The following SLC25A30 variants were observed in gnomAD, a reference collection of about 807,000 sequenced individuals.
The protein encoded by SLC25A30 is kidney mitochondrial carrier protein 1.
Under a neutral mutation model 42.7 loss-of-function variants are expected in SLC25A30, and 29 were observed. That is an observed-to-expected ratio of 0.68 (90% CI 0.51 to 0.93). SLC25A30 has a LOEUF of 0.93. SLC25A30 is among the 40% of genes least tolerant of loss of function. The pLI, the probability that SLC25A30 is intolerant of heterozygous loss-of-function variation, is 0.00. For missense variants in SLC25A30, 300 were observed against 359.7 expected (o/e 0.83, Z 1.34); for synonymous variants, 124 against 131.0 (o/e 0.95, Z 0.37).
At position 45,395,311 on chromosome 13, in the gene SLC25A30, A is replaced by C. The variant is rs1334208681; in HGVS notation, c.*663T>G. ...TTGCAACCTTCAAAGCCAACACATA[A>C]CACCACCACGAATTTAGAGATTATT... On this transcript the variant is annotated 3_prime_UTR_variant, in exon 10 of 10. Transcript: ENST00000519676. 46 of 986,258 alleles carry C rather than the reference A, an allele frequency of 4.7e-5. No homozygotes were observed. The highest frequency in any genetic ancestry group is 5.4e-5 in the Non-Finnish European group (45 of 830,584). 61.1% of individuals were successfully genotyped at this position (986,258 alleles called of 1,614,324 possible).
At chr13:45,409,334 G>A (rs1882800344) in intron 2 of SLC25A30, among the ~76,000 whole-genome samples, 1 of 152,020 alleles carries the variant, frequency 6.6e-6, no homozygotes, top group South Asian at 2.1e-4. Context: ...GATTTGGGTA[G>A]GCTGCATTGT....
chr13:45,402,713 G>C (rs1882117552), intron 5 of SLC25A30: 1 of 937,314 alleles, frequency 1.1e-6, no homozygotes, highest in Non-Finnish European at 1.3e-6. Context: ...TGAGAGAAAA[G>C]TTAATTTCAA....
intron 3 of SLC25A30, among the ~76,000 whole-genome samples, chr13:45,408,693 ATTG>A (rs1311582982): frequency 6.6e-6 from 1 of 152,208 alleles, no homozygotes; most frequent in African/African-American, 2.4e-5. Context: ...ATAATTTTTT[ATTG>A]TTGTCTGTCT....
At chr13:45,418,222 C>T (rs900015740) in intron 1 of SLC25A30, 78 bp downstream of exon 1, 10 of 152,608 alleles carry the variant, frequency 6.6e-5, no homozygotes, top group African/African-American at 1.9e-4. Context: ...AATCGCAGCC[C>T]AACCTTACCC....
the SLC25A30 span, among the ~76,000 whole-genome samples, chr13:45,425,349 T>C: frequency 9.2e-6 from 1 of 109,286 alleles, no homozygotes; most frequent in African/African-American, 3.7e-5. Flanking sequence ...TATATATAAC[T>C]ATATGTAAGT....
At chr13:45,422,177 A>G (rs1053954542), upstream of SLC25A30, among the ~76,000 whole-genome samples, 1 of 152,196 alleles carries the variant, frequency 6.6e-6, no homozygotes, top group African/African-American at 2.4e-5. Context: ...CTACAATTTG[A>G]TAAATGTTTG....
the SLC25A30 span, among the ~76,000 whole-genome samples, chr13:45,427,389 C>T: frequency 6.8e-6 from 1 of 146,376 alleles, no homozygotes; most frequent in African/African-American, 2.8e-5. Flanking sequence ...AGAAGAAAGA[C>T]TGAACTTGGT....
the SLC25A30 span, among the ~76,000 whole-genome samples, chr13:45,429,694 G>T: frequency 6.6e-6 from 1 of 151,940 alleles, no homozygotes; most frequent in Non-Finnish European, 1.5e-5. Context: ...AATTAGCTGG[G>T]CATGGTGGGA....
the SLC25A30 span, among the ~76,000 whole-genome samples, chr13:45,425,116 T>TGTATATATACATATATATAAATA: frequency 6.3e-5 from 1 of 15,872 alleles, no homozygotes; most frequent in Admixed American, 1.2e-3. Flanking sequence ...ATAAATATAT[T>TGTATATATACATATATATAAATA]TATAAATATA....
At chr13:45,404,225 C>T in intron 5 of SLC25A30, 102 bp downstream of exon 5, 1 of 811,392 alleles carries the variant, frequency 1.2e-6, no homozygotes, top group Admixed American at 2.0e-5. Context: ...TAAACAGATT[C>T]ACATATACAC....
the SLC25A30 span, among the ~76,000 whole-genome samples, chr13:45,433,650 G>A: frequency 1.3e-5 from 2 of 152,178 alleles, no homozygotes; most frequent in African/African-American, 4.8e-5. Context: ...TTTCCATCTG[G>A]TAATAGTGGA....
chr13:45,400,748 C>A lies in SLC25A30; in HGVS notation c.614+335G>T, dbSNP rs1203819118. On this transcript the variant is annotated intron_variant, in intron 7 of 9. Coordinates refer to ENST00000519676, the MANE Select transcript of SLC25A30 (RefSeq NM_001010875.4). The stretch of plus-strand genomic sequence containing the variant: ...CTAGGCTCAAGTGATCCTCCTGCCT[C>A]GGCCTTCCAAAGTCCTAAGATTACA... Among the ~76,000 whole-genome samples, 5 of 152,152 alleles carry A rather than the reference C, an allele frequency of 3.3e-5. No individual in the cohort carries two copies. In the East Asian group the frequency reaches 9.7e-4, roughly 29 times the overall value.
At chr13:45,424,411 A>T in the SLC25A30 span, among the ~76,000 whole-genome samples, 1 of 65,674 alleles carries the variant, frequency 1.5e-5, no homozygotes, top group African/African-American at 6.2e-5. Flanking sequence ...ATATAAAAAT[A>T]TATATAAATA....
At chr13:45,408,883 G>A (rs778092492) in intron 3 of SLC25A30, 44 bp downstream of exon 3, 2 of 1,558,560 alleles carry the variant, frequency 1.3e-6, no homozygotes, top group South Asian at 1.2e-5. Context: ...ATACCCATGT[G>A]AAACAGTGAA....
the SLC25A30 span, among the ~76,000 whole-genome samples, chr13:45,423,570 T>A: frequency 3.2e-5 from 3 of 93,126 alleles, 1 homozygote; most frequent in Non-Finnish European, 6.5e-5. Context: ...AATATATAAA[T>A]ATATATAAAA....
the SLC25A30 span, among the ~76,000 whole-genome samples, chr13:45,424,554 T>TGTATAA: frequency 1.2e-3 from 29 of 23,474 alleles, no homozygotes; most frequent in Admixed American, 3.8e-3. Context: ...AATATATAAA[T>TGTATAA]ATATATAAAT....
At chr13:45,424,142 A>AAT in the SLC25A30 span, among the ~76,000 whole-genome samples, 1 of 43,198 alleles carries the variant, frequency 2.3e-5, no homozygotes, top group African/African-American at 8.3e-5. Context: ...TAAATATATA[A>AAT]ATATAAGTAT....
chr13:45,424,815 T>A, the SLC25A30 span, among the ~76,000 whole-genome samples: 1 of 58,588 alleles, frequency 1.7e-5, no homozygotes. Context: ...TAAAAAAATA[T>A]AAATATATAA....
chr13:45,395,649 C>G lies in SLC25A30; in HGVS notation c.*325G>C. Reference sequence around the variant, plus strand: ...GAGCTGAGATGCATCAGGAGCTACTCTCCCTGAATAAAACAATACATCGCT... The same window carrying G: ...GAGCTGAGATGCATCAGGAGCTACTGTCCCTGAATAAAACAATACATCGCT... On this transcript the variant is annotated 3_prime_UTR_variant, in exon 10 of 10. Transcript: ENST00000519676. 8.3e-7 allele frequency: 1 copy of G among 1,211,140 alleles called. No individual in the cohort carries two copies. Among genetic ancestry groups the G allele is most frequent in the Non-Finnish European group, 1.0e-6 (1 of 960,066 alleles). 75.0% of individuals were successfully genotyped at this position (1,211,140 alleles called of 1,614,324 possible).
Sources: gnomAD v4.1 joint callset for allele counts (sites outside exome capture counted in the v4.1 genomes callset) on GRCh38, gnomAD v4.1.1 for gene constraint, MANE v1.5 for transcripts, NCBI Gene and HGNC (gene_info 2026-07-23, HGNC 2026-07-21) for gene names.